PPP3CA: variants seen among roughly 807,000 people sequenced by gnomAD.
PPP3CA encodes CAM-PRP catalytic subunit.
In PPP3CA, 14 loss-of-function variants were observed where a neutral mutation model predicts 66.5. That is an observed-to-expected ratio of 0.21 (90% CI 0.14 to 0.33). The LOEUF (loss-of-function observed/expected upper bound fraction) is 0.33. PPP3CA is among the 10% of genes least tolerant of loss of function. PPP3CA has a pLI of 1.00. For synonymous variants in PPP3CA, 232 were observed against 226.2 expected (o/e 1.03, Z -0.23); for missense variants, 317 against 639.5 (o/e 0.50, Z 5.44).
At chr4:101,329,333 G>T (rs1376602518) in intron 1 of PPP3CA, among the ~76,000 whole-genome samples, 2 of 152,098 alleles carry the variant, frequency 1.3e-5, no homozygotes, top group Non-Finnish European at 2.9e-5. Context: ...TTCCATGAAG[G>T]CTGAGAGAGG....
intron 2 of PPP3CA, among the ~76,000 whole-genome samples, chr4:101,148,230 G>A (rs1398806297): frequency 1.3e-5 from 2 of 152,110 alleles, no homozygotes; most frequent in Non-Finnish European, 2.9e-5. Flanking sequence ...GTAAAGCCAA[G>A]AAGGGTGAAT....
chr4:101,259,316 T>C (rs1460708036), intron 1 of PPP3CA, among the ~76,000 whole-genome samples: 1 of 149,892 alleles, frequency 6.7e-6, no homozygotes, highest in African/African-American at 2.5e-5. Flanking sequence ...TTCTTCCTCC[T>C]TTCCCAGTTG....
intron 6 of PPP3CA, among the ~76,000 whole-genome samples, chr4:101,091,684 T>C (rs573455137): frequency 6.6e-6 from 1 of 151,998 alleles, no homozygotes; most frequent in South Asian, 2.1e-4. Context: ...TATAGAAGGA[T>C]ATTTGCTTAC....
intron 1 of PPP3CA, among the ~76,000 whole-genome samples, chr4:101,228,950 T>C (rs1293810522): frequency 2.6e-5 from 4 of 151,650 alleles, no homozygotes; most frequent in African/African-American, 9.7e-5. Flanking sequence ...AGGGACTGTT[T>C]TGAGAATTCA....
At chr4:101,098,630 T>C in intron 4 of PPP3CA, 118 bp from the exon 5 acceptor site, 1 of 843,926 alleles carries the variant, frequency 1.2e-6, no homozygotes, top group Non-Finnish European at 1.8e-6. Context: ...TAAAGGCACA[T>C]ACTACAAAAT....
In PPP3CA at chr4:101,205,475, T is replaced by C. The variant is rs139808415; in HGVS notation, c.59-9359A>G. ...GAACTACTCGACAGAAGTTCTTTAATCACTATAAATTTTAGAAACCTTTGT... is the reference window on the plus strand; with the variant it reads ...GAACTACTCGACAGAAGTTCTTTAACCACTATAAATTTTAGAAACCTTTGT... On this transcript the variant is annotated intron_variant, in intron 1 of 13. Transcript: ENST00000394854. 6.6e-5 allele frequency among the ~76,000 whole-genome samples: 10 copies of C among 152,262 alleles called. No homozygotes were observed. In the East Asian group the frequency reaches 9.6e-4, roughly 15 times the overall value.
At chr4:101,165,265 AAACG>A (rs1407527544) in intron 2 of PPP3CA, among the ~76,000 whole-genome samples, 6 of 152,248 alleles carry the variant, frequency 3.9e-5, no homozygotes, top group African/African-American at 1.2e-4. Flanking sequence ...AAGAATAATC[AAACG>A]AAGACAGACA....
At chr4:101,240,929 T>C (rs11944013) in intron 1 of PPP3CA, 101,802 of 151,924 alleles carry the variant, frequency 0.67, 35,017 homozygotes, top group Middle Eastern at 0.76. Flanking sequence ...GAGACAGTCT[T>C]GCTCTGTCAT....
rs1729518984 is a variant in PPP3CA, at chr4:101,083,272, G to C, written c.783-9C>G. 6.2e-7 allele frequency: 1 copy of C among 1,605,376 alleles called. No individual in the cohort carries two copies. The highest frequency in any genetic ancestry group is 1.3e-5 in the African/African-American group (1 of 74,542). ...CACATACAGCCGGGTAACTGCCAGAGACAAAAAGAAAAGGGAAGCATCTGT... is the reference window on the plus strand; with the variant it reads ...CACATACAGCCGGGTAACTGCCAGACACAAAAAGAAAAGGGAAGCATCTGT... On this transcript the variant is annotated splice_polypyrimidine_tract_variant and intron_variant, in intron 6 of 13. Transcript: ENST00000394854.
At chr4:101,112,602 TA>T (rs1721709537) in intron 2 of PPP3CA, among the ~76,000 whole-genome samples, 2 of 152,150 alleles carry the variant, frequency 1.3e-5, no homozygotes, top group Non-Finnish European at 2.9e-5. Context: ...TAACTCAAAA[TA>T]AAACATAATG....
chr4:101,086,996 T>C (rs1407790733), intron 6 of PPP3CA, among the ~76,000 whole-genome samples: 7 of 152,192 alleles, frequency 4.6e-5, no homozygotes, highest in Non-Finnish European at 1.0e-4. Context: ...TGCAATCCCC[T>C]GCCAATACAC....
At chr4:101,226,546 A>C (rs1036378028) in intron 1 of PPP3CA, among the ~76,000 whole-genome samples, 2 of 151,734 alleles carry the variant, frequency 1.3e-5, no homozygotes, top group Admixed American at 6.6e-5. Flanking sequence ...AAAAAGTTCT[A>C]ACTCAGTAAA....
At position 101,090,405 on chromosome 4, in the gene PPP3CA, G is replaced by A. The variant is rs370540573; in HGVS notation, c.782+3371C>T. Among the ~76,000 whole-genome samples, 449 of 152,082 alleles carry A rather than the reference G, an allele frequency of 3.0e-3. 2 individuals are homozygous for A. Among genetic ancestry groups the A allele is most frequent in the African/African-American group, 0.01 (426 of 41,482 alleles). On this transcript the variant is annotated intron_variant, in intron 6 of 13. Coordinates refer to ENST00000394854, the MANE Select transcript of PPP3CA (RefSeq NM_000944.5). ...TGTAATCCCAGCACTTTGGGAGGCC[G>A]AGGTGGATGGATCACCTGAGGTCAG...
At position 101,319,038 on chromosome 4, in the gene PPP3CA, T is replaced by C. The variant is rs140767451; in HGVS notation, c.58+27701A>G. Among the ~76,000 whole-genome samples, 1,140 of 152,174 alleles carry C rather than the reference T, an allele frequency of 7.5e-3. 12 individuals carry two copies. The highest frequency in any genetic ancestry group is 0.026 in the African/African-American group (1,089 of 41,560). Reference sequence around the variant, plus strand: ...AGCAATCTCTCAACTAAAGTTATTTTTAAAAATTAAATTAGCAATGAATGA... The same window carrying C: ...AGCAATCTCTCAACTAAAGTTATTTCTAAAAATTAAATTAGCAATGAATGA... On this transcript the variant is annotated intron_variant, in intron 1 of 13. Coordinates refer to ENST00000394854, the MANE Select transcript of PPP3CA (RefSeq NM_000944.5).
At chr4:101,070,858 T>C (rs756440341) in intron 8 of PPP3CA, among the ~76,000 whole-genome samples, 29 of 152,340 alleles carry the variant, frequency 1.9e-4, no homozygotes, top group Admixed American at 3.3e-4. Flanking sequence ...TTGTGAATCA[T>C]TTCTAACATT....
intron 1 of PPP3CA, among the ~76,000 whole-genome samples, chr4:101,219,279 A>G (rs897865837): frequency 6.6e-6 from 1 of 152,004 alleles, no homozygotes; most frequent in African/African-American, 2.4e-5. Flanking sequence ...TCACAATTTA[A>G]TAAAATCTAT....
chr4:101,186,295 C>A (rs1057195900), intron 2 of PPP3CA, among the ~76,000 whole-genome samples: 1 of 152,086 alleles, frequency 6.6e-6, no homozygotes, highest in African/African-American at 2.4e-5. Context: ...ATCCCTGCAA[C>A]ATTTTTCTGA....
intron 1 of PPP3CA, among the ~76,000 whole-genome samples, chr4:101,292,828 G>A (rs538942582): frequency 2.0e-5 from 3 of 152,256 alleles, no homozygotes; most frequent in Admixed American, 2.0e-4. Context: ...GATTCAAAAG[G>A]GAAGAAAGTG....
At chr4:101,229,240 C>T (rs963656520) in intron 1 of PPP3CA, among the ~76,000 whole-genome samples, 4 of 151,228 alleles carry the variant, frequency 2.6e-5, no homozygotes, top group African/African-American at 9.7e-5. Flanking sequence ...TTATTTTACA[C>T]TCACACACAC....
Sources: gnomAD v4.1 joint callset for allele counts (sites outside exome capture counted in the v4.1 genomes callset) on GRCh38, gnomAD v4.1.1 for gene constraint, MANE v1.5 for transcripts, NCBI Gene and HGNC (gene_info 2026-07-23, HGNC 2026-07-21) for gene names.